RAPGEF1: variants seen among roughly 807,000 people sequenced by gnomAD.
RAPGEF1 encodes CRK SH3-binding GNRP.
RAPGEF1 carries 33 observed loss-of-function variants against 143.3 expected under a neutral mutation model. The observed-to-expected ratio is 0.23, with a 90% CI of 0.17 to 0.31. The LOEUF is 0.31. Ranked by LOEUF, RAPGEF1 falls within the 10% of genes least tolerant of loss-of-function variation. RAPGEF1 has a pLI of 1.00. For synonymous variants in RAPGEF1, 629 were observed against 676.5 expected (o/e 0.93, Z 1.09); for missense variants, 1,199 against 1,645.4 (o/e 0.73, Z 4.69).
chr9:131,604,519 C>T (rs1276326533), intron 13 of RAPGEF1, among the ~76,000 whole-genome samples: 3 of 152,242 alleles, frequency 2.0e-5, no homozygotes, highest in African/African-American at 7.2e-5. Flanking sequence ...ACCGAACAGA[C>T]ACTTGTCCTG....
chr9:131,664,631 T>C (rs1830140734), intron 1 of RAPGEF1, among the ~76,000 whole-genome samples: 1 of 152,200 alleles, frequency 6.6e-6, no homozygotes, highest in Non-Finnish European at 1.5e-5. Context: ...CAAAATTTCT[T>C]CAGAATTGCT....
intron 1 of RAPGEF1, among the ~76,000 whole-genome samples, chr9:131,670,136 T>C (rs1047580026): frequency 1.3e-5 from 2 of 152,118 alleles, no homozygotes; most frequent in African/African-American, 4.8e-5. Context: ...TGGATTTGAA[T>C]CAGTTCTGCT....
chr9:131,588,760 C>T, intron 20 of RAPGEF1, 41 bp downstream of exon 20: 1 of 1,569,402 alleles, frequency 6.4e-7, no homozygotes, highest in Non-Finnish European at 8.6e-7. Context: ...AAAGGCACGG[C>T]TCCTGGGGAA....
chr9:131,710,210 C>T (rs1323572720), intron 1 of RAPGEF1, among the ~76,000 whole-genome samples: 1 of 152,124 alleles, frequency 6.6e-6, no homozygotes, highest in Non-Finnish European at 1.5e-5. Context: ...CACCACGTAA[C>T]AAGTACTGTC....
At chr9:131,723,022 T>C (rs1305601750) in intron 1 of RAPGEF1, among the ~76,000 whole-genome samples, 2 of 152,152 alleles carry the variant, frequency 1.3e-5, no homozygotes, top group Admixed American at 6.5e-5. Flanking sequence ...AGTGAAACCC[T>C]GTCTCTACTA....
At chr9:131,660,211 T>C (rs1001739607) in intron 1 of RAPGEF1, among the ~76,000 whole-genome samples, 4 of 152,200 alleles carry the variant, frequency 2.6e-5, no homozygotes, top group Non-Finnish European at 5.9e-5. Flanking sequence ...GAAAACAATA[T>C]TTGAAGTTTT....
At chr9:131,600,308 T>A (rs555606488) in intron 15 of RAPGEF1, among the ~76,000 whole-genome samples, 1 of 152,172 alleles carries the variant, frequency 6.6e-6, no homozygotes, top group Admixed American at 6.5e-5. Flanking sequence ...ACGAGAACCA[T>A]CTGGAACTCT....
chr9:131,606,784 C>T (rs1487418374), intron 12 of RAPGEF1, among the ~76,000 whole-genome samples: 1 of 152,072 alleles, frequency 6.6e-6, no homozygotes, highest in Non-Finnish European at 1.5e-5. Context: ...TCACCACAAC[C>T]GGCTCACTTT....
chr9:131,628,969 G>A lies in RAPGEF1; in HGVS notation c.893+133C>T, dbSNP rs1588585119. 1.6e-6 allele frequency: 2 copies of A among 1,248,636 alleles called. No homozygotes were observed. The highest frequency in any genetic ancestry group is 5.1e-5 in the East Asian group (2 of 39,518). 77.3% of individuals were successfully genotyped at this position (1,248,636 alleles called of 1,614,324 possible). A position where few individuals can be genotyped will look rare whatever the true frequency, so the allele number is the denominator to read the frequency against. ...TGGCCAGCGAGGGCCGGCGGGGTGG[G>A]GACAGCTCCAGAGTCAGCCTCCCAA... is the stretch of plus-strand genomic sequence containing the variant. On this transcript the variant is annotated intron_variant, in intron 7 of 26. Transcript: ENST00000683357. This position sits in a 1 kb window ranked among gnomAD's most constrained non-coding sequence, Gnocchi z 5.7.
Position 131,719,886 on chromosome 9 carries a change from CTTTTTT to C in RAPGEF1, c.61+19878_61+19883del, listed in dbSNP as rs34813794. 5.9e-5 allele frequency among the ~76,000 whole-genome samples: 8 copies of C among 135,740 alleles called. No individual in the cohort carries two copies. The Admixed American group carries it at 5.9e-4, about 10-fold the overall frequency. The allele number at this position is 135,740 out of a possible 152,430, so 89.1% of individuals were successfully genotyped here. ...CTATATTTTCTTCTTTTCTTTCTTTCTTTTTTTTTTTTTTTTGAGACAAGAGTCTCA... is the reference window on the plus strand; with the variant it reads ...CTATATTTTCTTCTTTTCTTTCTTTCTTTTTTTTTTGAGACAAGAGTCTCA... On this transcript the variant is annotated intron_variant, in intron 1 of 26. Transcript: ENST00000683357.
chr9:131,590,541 C>T (rs1453853106), intron 18 of RAPGEF1, among the ~76,000 whole-genome samples: 2 of 152,234 alleles, frequency 1.3e-5, no homozygotes, highest in Non-Finnish European at 2.9e-5. Flanking sequence ...GGCAGCACTT[C>T]AAGCACCCGA....
At chr9:131,683,950 G>T (rs1484766540) in intron 1 of RAPGEF1, among the ~76,000 whole-genome samples, 2 of 152,210 alleles carry the variant, frequency 1.3e-5, no homozygotes, top group Non-Finnish European at 2.9e-5. Context: ...ATTAGGGCTC[G>T]TACACTTCTT....
At chr9:131,664,131 C>A (rs1057335657) in intron 1 of RAPGEF1, among the ~76,000 whole-genome samples, 1 of 152,162 alleles carries the variant, frequency 6.6e-6, no homozygotes, top group Admixed American at 6.5e-5. Flanking sequence ...ACCTTTTTAG[C>A]CCATCTCCAG....
At position 131,619,135 on chromosome 9, in the gene RAPGEF1, G is replaced by A. The variant is rs1470340777; in HGVS notation, c.1977C>T (p.Pro659=). Reference sequence around the variant, plus strand: ...GGCCCTGAGCGGCACTGCCGTCCTCGGGGGTGAAGGCCACTTTAGTTTGCT... The same window carrying A: ...GGCCCTGAGCGGCACTGCCGTCCTCAGGGGTGAAGGCCACTTTAGTTTGCT... ...CVQQTKVAFT[P]EDGSAAQGLS... is the part of the protein sequence containing the mutation. The change falls in exon 12 of 27, where the codon CCC becomes CCT. Residue 659 remains proline, a synonymous_variant. Coordinates refer to ENST00000683357, the MANE Select transcript of RAPGEF1 (RefSeq NM_001377935.1). 9.0e-6 allele frequency: 12 copies of A among 1,328,548 alleles called. No individual in the cohort carries two copies. The highest frequency in any genetic ancestry group is 5.1e-5 in the East Asian group (1 of 19,768). The allele number at this position is 1,328,548 out of a possible 1,614,324, so 82.3% of individuals were successfully genotyped here. A position where few individuals can be genotyped will look rare whatever the true frequency, so the allele number is the denominator to read the frequency against.
At chr9:131,672,621 CG>C (rs1171979621) in intron 1 of RAPGEF1, among the ~76,000 whole-genome samples, 2 of 152,152 alleles carry the variant, frequency 1.3e-5, no homozygotes, top group African/African-American at 2.4e-5. Context: ...GGGCCAAAGA[CG>C]GGGAGGGGCT....
At chr9:131,640,974 T>G (rs1004569399) in intron 4 of RAPGEF1, among the ~76,000 whole-genome samples, 3 of 152,094 alleles carry the variant, frequency 2.0e-5, no homozygotes, top group African/African-American at 7.2e-5. Context: ...AAACCATATT[T>G]CATGGGTCCT....
intron 1 of RAPGEF1, among the ~76,000 whole-genome samples, chr9:131,668,226 T>C (rs1412494962): frequency 2.0e-5 from 3 of 152,156 alleles, no homozygotes; most frequent in African/African-American, 7.2e-5. Flanking sequence ...CAGATGCTGC[T>C]TGAGGGGATG....
rs1832195787 is a variant in RAPGEF1, at chr9:131,675,559, T to C, written c.62-24610A>G. 6.6e-6 allele frequency among the ~76,000 whole-genome samples: 1 copy of C among 152,202 alleles called. No homozygotes were observed. The highest frequency in any genetic ancestry group is 6.5e-5 in the Admixed American group (1 of 15,284). On this transcript the variant is annotated intron_variant, in intron 1 of 26. Transcript: ENST00000683357. The surrounding 1 kb of genome is among the most constrained non-coding windows in gnomAD (Gnocchi z 4.6). ...TACCAATGTACTGGTGGTCCTGATG[T>C]CTAGATAAAAATGAATTCCCCAACC... is the stretch of plus-strand genomic sequence containing the variant.
In RAPGEF1 at chr9:131,592,020, A is replaced by G. The variant is rs769038031; in HGVS notation, c.2774+79T>C. On this transcript the variant is annotated intron_variant, in intron 18 of 26. Coordinates refer to ENST00000683357, the MANE Select transcript of RAPGEF1 (RefSeq NM_001377935.1). ...AATATGCTGCTCGGCTTCCCCCACG[A>G]GGACTGAAGGGCAAGAGGGTCCCTC... 5 of 1,120,928 alleles carry G rather than the reference A, an allele frequency of 4.5e-6. No individual in the cohort carries two copies. In the African/African-American group the frequency reaches 7.8e-5, roughly 17 times the overall value. 69.4% of individuals were successfully genotyped at this position (1,120,928 alleles called of 1,614,324 possible).
Sources: allele counts gnomAD v4.1 joint callset (sites outside exome capture counted in the v4.1 genomes callset), GRCh38; gene constraint gnomAD v4.1.1; non-coding constraint Gnocchi (gnomAD v3.1); transcripts MANE v1.5; gene names NCBI Gene and HGNC (gene_info 2026-07-23, HGNC 2026-07-21).